ZNF529: variants seen among roughly 807,000 people sequenced by gnomAD.
ZNF529 encodes the protein zinc finger protein 529.
In ZNF529, 11 loss-of-function variants were observed where a neutral mutation model predicts 10.1. That is an observed-to-expected ratio of 1.09 (90% CI 0.69 to 1.81). ZNF529 has a LOEUF of 1.81. Ranked by LOEUF, ZNF529 falls within the 40% of genes most tolerant of loss-of-function variation. The pLI, the probability that ZNF529 is intolerant of heterozygous loss-of-function variation, is 0.00. For missense variants in ZNF529, 624 were observed against 666.8 expected, an observed-to-expected ratio of 0.94 and a Z score of 0.71; for synonymous variants, 204 against 215.7, an observed-to-expected ratio of 0.95 and a Z score of 0.47.
chr19:36,549,535 T>C (rs2035181590), intron 4 of ZNF529, among the ~76,000 whole-genome samples: 3 of 152,216 alleles, frequency 2.0e-5, no homozygotes, highest in African/African-American at 7.2e-5. Context: ...CCTCACATTG[T>C]ATTAGTGATT....
chr19:36,596,520 T>C (rs748601361), intron 1 of ZNF529, among the ~76,000 whole-genome samples: 61 of 151,692 alleles, frequency 4.0e-4, no homozygotes, highest in Non-Finnish European at 5.9e-4. Flanking sequence ...TCAACTTTTT[T>C]TTTCTTCTTT....
intron 2 of ZNF529, among the ~76,000 whole-genome samples, chr19:36,588,464 G>T (rs1460134255): frequency 6.6e-6 from 1 of 152,136 alleles, no homozygotes; most frequent in Non-Finnish European, 1.5e-5. Flanking sequence ...ATGATTTGAG[G>T]ATAGATAGGT....
intron 2 of ZNF529, among the ~76,000 whole-genome samples, chr19:36,564,191 A>C (rs1305510484): frequency 6.6e-6 from 1 of 152,216 alleles, no homozygotes; most frequent in Non-Finnish European, 1.5e-5. Context: ...TGTAAACATC[A>C]GCCTTGACAA....
chr19:36,560,412 A>G (rs953631411), intron 2 of ZNF529, among the ~76,000 whole-genome samples: 3 of 152,198 alleles, frequency 2.0e-5, no homozygotes, highest in Non-Finnish European at 4.4e-5. Context: ...ACAGAAATGT[A>G]ATATATTTGC....
At chr19:36,587,755 A>T (rs1047720906) in intron 2 of ZNF529, among the ~76,000 whole-genome samples, 3 of 152,236 alleles carry the variant, frequency 2.0e-5, no homozygotes, top group African/African-American at 7.2e-5. Flanking sequence ...CTAGTCATGA[A>T]GGATTTACAT....
At chr19:36,601,101 T>C (rs764576210) in intron 1 of ZNF529, among the ~76,000 whole-genome samples, 2 of 151,540 alleles carry the variant, frequency 1.3e-5, no homozygotes, top group Non-Finnish European at 2.9e-5. Flanking sequence ...CATCTCCATC[T>C]CTTAACATCT....
chr19:36,563,339 C>T (rs1199482849), intron 2 of ZNF529, among the ~76,000 whole-genome samples: 2 of 151,596 alleles, frequency 1.3e-5, no homozygotes, highest in Non-Finnish European at 2.9e-5. Flanking sequence ...AGGAAAATCG[C>T]GTGAACCCAG....
chr19:36,576,741 A>ATAG (rs531040722), upstream of ZNF529, among the ~76,000 whole-genome samples: 495 of 151,606 alleles, frequency 3.3e-3, 2 homozygotes, highest in African/African-American at 0.012. Context: ...AATAATAATA[A>ATAG]TAATTGGCTA....
intron 1 of ZNF529, among the ~76,000 whole-genome samples, chr19:36,599,073 A>G (rs1164341381): frequency 1.7e-4 from 26 of 152,226 alleles, no homozygotes; most frequent in Non-Finnish European, 8.8e-5. Flanking sequence ...AATATTAACA[A>G]AAGATCAGTC....
chr19:36,586,565 A>G lies in ZNF529; in HGVS notation c.-41+3050T>C, dbSNP rs544962936. Among the ~76,000 whole-genome samples the G allele has an allele frequency of 3.9e-3, 599 of 152,104 alleles. 1 individual carries two copies. Among genetic ancestry groups the G allele is most frequent in the Middle Eastern group, 0.01 (3 of 292 alleles). ...GGCTGCAGTAAGCTGAGATCATGCC[A>G]TTGCACTCCAGCCTGGGCAACAGAG... On this transcript the variant is annotated intron_variant, in intron 2 of 4. Coordinates refer to the ZNF529 transcript ENST00000585960.
rs376711971 is a variant in ZNF529, at chr19:36,547,429, C to T, written c.1129G>A (p.Val377Ile). 59 of 1,612,762 alleles carry T rather than the reference C, an allele frequency of 3.7e-5. No homozygotes were observed. In the African/African-American group the frequency reaches 5.9e-4, roughly 16 times the overall value. The part of the protein sequence containing the change: ...ACKECGKAFG[V>I]CRELARHQRI... ...TGATGACGAGCAAGTTCTCTACATA[C>T]TCCAAAAGCCTTCCCACATTCCTTA... The change falls in exon 5 of 5, where the codon GTA (valine) becomes ATA (isoleucine). Residue 377 changes from valine (V) to isoleucine (I), a missense_variant. Physicochemically the swap from Val to Ile is conservative, Grantham distance 29. Transcript: ENST00000591340.
upstream of ZNF529, among the ~76,000 whole-genome samples, chr19:36,575,322 A>G (rs2036290114): frequency 6.6e-6 from 1 of 152,216 alleles, no homozygotes; most frequent in South Asian, 2.1e-4. Flanking sequence ...TAATTTCTAG[A>G]TGACAGGGTT....
At chr19:36,569,774 C>CAAAAAG (rs1409834595) in intron 2 of ZNF529, among the ~76,000 whole-genome samples, 1 of 151,636 alleles carries the variant, frequency 6.6e-6, no homozygotes, top group Non-Finnish European at 1.5e-5. Context: ...TGTTGCAAAA[C>CAAAAAG]AAAAAGAAAA....
chr19:36,601,158 A>G (rs1265313300), intron 1 of ZNF529, among the ~76,000 whole-genome samples: 1 of 148,954 alleles, frequency 6.7e-6, no homozygotes, highest in Non-Finnish European at 1.5e-5. Context: ...CCTTCATCCT[A>G]TTTCCTTAAT....
chr19:36,546,871 C>G lies in ZNF529; in HGVS notation c.1687G>C (p.Asp563His), dbSNP rs750759014. 21 of 1,604,292 alleles carry G rather than the reference C, an allele frequency of 1.3e-5. No homozygotes were observed. Among genetic ancestry groups the G allele is most frequent in the Non-Finnish European group, 1.8e-5 (21 of 1,175,144 alleles). Residue 563 changes from aspartate to histidine, a missense_variant, in exon 5 of 5, where the codon GAC becomes CAC. Asp to His is a moderately conservative substitution (Grantham distance 81). Transcript: ENST00000591340. Reference sequence around the variant, plus strand: ...AACCACTTTATACATTTATTTCAGTCAAATGATTTCTCACCAGTGTAAATT... The same window carrying G: ...AACCACTTTATACATTTATTTCAGTGAAATGATTTCTCACCAGTGTAAATT... ...PKIYTGEKSFD is the reference protein window; with the variant it reads ...PKIYTGEKSFH
upstream of ZNF529, among the ~76,000 whole-genome samples, chr19:36,576,958 CTT>C (rs759716467): frequency 3.3e-4 from 45 of 135,934 alleles, no homozygotes; most frequent in Non-Finnish European, 4.2e-4. Context: ...TTTCTTTTTT[CTT>C]TTTTTTTTTT....
intron 1 of ZNF529, among the ~76,000 whole-genome samples, chr19:36,604,639 C>T (rs2036990085): frequency 6.6e-6 from 1 of 152,130 alleles, no homozygotes; most frequent in Non-Finnish European, 1.5e-5. Flanking sequence ...GGGACCTTGT[C>T]CACGTATTCC....
intron 1 of ZNF529, among the ~76,000 whole-genome samples, chr19:36,598,665 A>C (rs1371248756): frequency 6.6e-6 from 1 of 152,222 alleles, no homozygotes; most frequent in Non-Finnish European, 1.5e-5. Context: ...TTTCCTCATC[A>C]ATAAAATTAG....
intron 1 of ZNF529, among the ~76,000 whole-genome samples, chr19:36,599,514 A>G (rs558537721): frequency 1.9e-4 from 29 of 152,300 alleles, no homozygotes; most frequent in African/African-American, 6.7e-4. Context: ...TGACTAATTC[A>G]TGTGAATCTT....
Sources: gnomAD v4.1 joint callset for allele counts (sites outside exome capture counted in the v4.1 genomes callset) on GRCh38, gnomAD v4.1.1 for gene constraint, MANE v1.5 for transcripts, NCBI Gene and HGNC (gene_info 2026-07-23, HGNC 2026-07-21) for gene names.